The following CDH18 variants were observed in gnomAD, a reference collection of about 807,000 sequenced individuals.
The protein encoded by CDH18 is cadherin-18.
CDH18 carries 31 observed loss-of-function variants against 67.9 expected under a neutral mutation model. That is an observed-to-expected ratio of 0.46 (90% CI 0.34 to 0.62). The LOEUF is 0.62. Ranked by LOEUF, CDH18 falls within the 20% of genes least tolerant of loss-of-function variation. CDH18 has a pLI of 0.01. For missense variants in CDH18, 890 were observed against 975.5 expected, an observed-to-expected ratio of 0.91 and a Z score of 1.17; for synonymous variants, 362 against 347.2, an observed-to-expected ratio of 1.04 and a Z score of -0.48.
intron 2 of CDH18, among the ~76,000 whole-genome samples, chr5:20,252,922 C>T (rs929147714): frequency 2.8e-5 from 4 of 144,812 alleles, no homozygotes; most frequent in African/African-American, 5.0e-5. Context: ...GGCAACAGAG[C>T]GAGACTCCAC....
upstream of CDH18, among the ~76,000 whole-genome samples, chr5:19,989,454 T>C (rs1325487292): frequency 6.6e-6 from 1 of 152,200 alleles, no homozygotes; most frequent in African/African-American, 2.4e-5. Context: ...CATGTGAACC[T>C]GTGTAAGCTT....
intron 2 of CDH18, among the ~76,000 whole-genome samples, chr5:20,008,348 G>A (rs971853013): frequency 1.9e-4 from 29 of 151,988 alleles, no homozygotes; most frequent in African/African-American, 2.4e-4. Flanking sequence ...TTTATTTTCC[G>A]TTTTAATTAA....
chr5:19,549,850 T>C (rs1737074491), intron 8 of CDH18, among the ~76,000 whole-genome samples: 1 of 152,002 alleles, frequency 6.6e-6, no homozygotes, highest in Non-Finnish European at 1.5e-5. Flanking sequence ...TAACTGATTA[T>C]AATGATGGAT....
chr5:20,440,830 A>G (rs1467068565), intron 1 of CDH18, among the ~76,000 whole-genome samples: 1 of 152,014 alleles, frequency 6.6e-6, no homozygotes, highest in Non-Finnish European at 1.5e-5. Context: ...TGCAGACAAA[A>G]CAATGTTCCA....
chr5:19,878,341 T>C (rs1011375717), intron 2 of CDH18, among the ~76,000 whole-genome samples: 1 of 151,874 alleles, frequency 6.6e-6, no homozygotes, highest in African/African-American at 2.4e-5. Flanking sequence ...CAAACTGGAG[T>C]TAGTACTAGA....
At chr5:20,171,048 T>A (rs35192523) in intron 2 of CDH18, among the ~76,000 whole-genome samples, 1,871 of 107,414 alleles carry the variant, frequency 0.017, 18 homozygotes, top group South Asian at 0.026. Flanking sequence ...CCTTTTTTTT[T>A]TATATATATA....
chr5:19,562,389 G>A (rs1270124577), intron 8 of CDH18, among the ~76,000 whole-genome samples: 1 of 151,416 alleles, frequency 6.6e-6, no homozygotes, highest in East Asian at 1.9e-4. Context: ...AAATAATTTG[G>A]TATTTCTAAT....
chr5:19,741,330 TCACACA>T (rs60803879), intron 4 of CDH18, among the ~76,000 whole-genome samples: 96,077 of 145,556 alleles, frequency 0.66, 36,177 homozygotes, highest in South Asian at 0.85. Context: ...TATACATGTC[TCACACA>T]CACACACACA....
chr5:19,577,416 T>G (rs1742494806), intron 7 of CDH18, among the ~76,000 whole-genome samples: 1 of 152,152 alleles, frequency 6.6e-6, no homozygotes, highest in Non-Finnish European at 1.5e-5. Context: ...TATTTGGAAC[T>G]TGTGACTTTT....
intron 3 of CDH18, among the ~76,000 whole-genome samples, chr5:19,805,801 C>T (rs965076409): frequency 6.6e-6 from 1 of 152,216 alleles, no homozygotes; most frequent in East Asian, 1.9e-4. Context: ...TCAATTTCTT[C>T]TACAATTGTC....
At chr5:20,012,690 T>A (rs1344769768) in intron 2 of CDH18, among the ~76,000 whole-genome samples, 1 of 152,050 alleles carries the variant, frequency 6.6e-6, no homozygotes, top group Non-Finnish European at 1.5e-5. Context: ...GAAGAAAATG[T>A]GGTACATATA....
chr5:19,976,227 A>C (rs1353897946), intron 2 of CDH18, among the ~76,000 whole-genome samples: 1 of 152,202 alleles, frequency 6.6e-6, no homozygotes, highest in Non-Finnish European at 1.5e-5. Flanking sequence ...AAACTATTTT[A>C]AATTTTACTT....
chr5:19,707,980 T>C (rs969762421), intron 5 of CDH18, among the ~76,000 whole-genome samples: 3 of 152,182 alleles, frequency 2.0e-5, no homozygotes, highest in Non-Finnish European at 2.9e-5. Flanking sequence ...ATGGTAGAAA[T>C]GGTTAAGAAG....
intron 1 of CDH18, among the ~76,000 whole-genome samples, chr5:20,354,384 C>A (rs181141348): frequency 6.6e-6 from 1 of 152,098 alleles, no homozygotes; most frequent in African/African-American, 2.4e-5. Flanking sequence ...TGTAACATGA[C>A]ATTTTATGCT....
At chr5:20,340,795 C>A (rs940299909) in intron 1 of CDH18, among the ~76,000 whole-genome samples, 1 of 152,154 alleles carries the variant, frequency 6.6e-6, no homozygotes, top group Non-Finnish European at 1.5e-5. Flanking sequence ...TGTAGCATGA[C>A]CGTGATGAAC....
intron 1 of CDH18, among the ~76,000 whole-genome samples, chr5:19,985,507 T>C (rs1579952475): frequency 1.3e-5 from 2 of 152,090 alleles, no homozygotes; most frequent in East Asian, 1.9e-4. Context: ...GATTTTTTTA[T>C]TGACACAAGT....
intron 1 of CDH18, among the ~76,000 whole-genome samples, chr5:20,341,544 C>T (rs1249301170): frequency 5.3e-5 from 8 of 149,686 alleles, no homozygotes; most frequent in African/African-American, 1.7e-4. Flanking sequence ...TATTAGAGGG[C>T]ATATATATAT....
chr5:20,539,839 A>T (rs76190777), intron 1 of CDH18, among the ~76,000 whole-genome samples: 4,032 of 152,114 alleles, frequency 0.027, 197 homozygotes, highest in African/African-American at 0.09. Context: ...AGGAAGACCA[A>T]GTTGAGTTTG....
At chr5:20,503,730 T>C (rs1339718878) in intron 1 of CDH18, among the ~76,000 whole-genome samples, 1 of 152,174 alleles carries the variant, frequency 6.6e-6, no homozygotes, top group Non-Finnish European at 1.5e-5. Flanking sequence ...CATTTTGACA[T>C]GTGCATAGGC....
Sources: gnomAD v4.1 joint callset for allele counts (sites outside exome capture counted in the v4.1 genomes callset) on GRCh38, gnomAD v4.1.1 for gene constraint, MANE v1.5 for transcripts, NCBI Gene and HGNC (gene_info 2026-07-23, HGNC 2026-07-21) for gene names.